PTPRM: variants seen among roughly 807,000 people sequenced by gnomAD.
PTPRM encodes the protein receptor-type tyrosine-protein phosphatase mu.
Under a neutral mutation model 186.7 loss-of-function variants are expected in PTPRM, and 47 were observed. The observed-to-expected ratio is 0.25, with a 90% CI of 0.20 to 0.32. The LOEUF is 0.32. PTPRM is among the 10% of genes least tolerant of loss of function. The pLI is 1.00. For missense variants in PTPRM, 1,494 were observed against 1,865.0 expected (o/e 0.80, Z 3.66); for synonymous variants, 668 against 674.9 (o/e 0.99, Z 0.16).
chr18:7,908,747 C>A (rs1050105955), intron 4 of PTPRM, among the ~76,000 whole-genome samples: 1 of 152,126 alleles, frequency 6.6e-6, no homozygotes, highest in Non-Finnish European at 1.5e-5. Context: ...CATGAAAAGA[C>A]TGGAAAACCA....
At chr18:8,204,129 C>T (rs1412731592) in intron 14 of PTPRM, among the ~76,000 whole-genome samples, 5 of 152,134 alleles carry the variant, frequency 3.3e-5, no homozygotes, top group Non-Finnish European at 1.5e-5. Context: ...CAGACTTTAG[C>T]TGTGTAGCTC....
At chr18:7,810,388 T>C (rs1187932759) in intron 2 of PTPRM, among the ~76,000 whole-genome samples, 4 of 152,248 alleles carry the variant, frequency 2.6e-5, no homozygotes, top group African/African-American at 9.6e-5. Context: ...TCATTATGAA[T>C]AGCCTGGGGA....
intron 13 of PTPRM, among the ~76,000 whole-genome samples, chr18:8,138,514 T>G (rs1190327251): frequency 2.0e-5 from 3 of 152,138 alleles, no homozygotes; most frequent in Admixed American, 6.5e-5. Context: ...GGCCTGAGAT[T>G]TCTCACACCT....
chr18:8,304,824 T>A (rs762996028), intron 20 of PTPRM, among the ~76,000 whole-genome samples: 2 of 107,118 alleles, frequency 1.9e-5, no homozygotes, highest in African/African-American at 1.1e-4. Context: ...TGACTTTATT[T>A]TTTTTTTTTT....
At chr18:8,370,466 G>T (rs1188043471) in intron 23 of PTPRM, among the ~76,000 whole-genome samples, 1 of 152,154 alleles carries the variant, frequency 6.6e-6, no homozygotes. Flanking sequence ...AATCTTTAGT[G>T]TTCAATCTGA....
At chr18:8,228,861 G>T (rs1322708972) in intron 14 of PTPRM, among the ~76,000 whole-genome samples, 1 of 151,756 alleles carries the variant, frequency 6.6e-6, no homozygotes, top group Non-Finnish European at 1.5e-5. Flanking sequence ...CAAAAGAAAA[G>T]AAAAAGAAAA....
At chr18:8,150,715 G>A (rs576814243) in intron 14 of PTPRM, among the ~76,000 whole-genome samples, 61 of 152,244 alleles carry the variant, frequency 4.0e-4, no homozygotes, top group Middle Eastern at 6.8e-3. Context: ...ATCCTTTGGA[G>A]GAGAAGAGAC....
At chr18:7,641,740 A>G (rs979663329) in intron 1 of PTPRM, among the ~76,000 whole-genome samples, 4 of 152,260 alleles carry the variant, frequency 2.6e-5, no homozygotes. Context: ...TTATGATCAG[A>G]GAAAAAAGCA....
intron 7 of PTPRM, among the ~76,000 whole-genome samples, chr18:8,012,947 C>T (rs934530575): frequency 1.3e-5 from 2 of 152,026 alleles, no homozygotes; most frequent in African/African-American, 4.8e-5. Context: ...CTCGTGCTGC[C>T]TCTTGCACTG....
intron 14 of PTPRM, among the ~76,000 whole-genome samples, chr18:8,170,341 T>G (rs970868040): frequency 2.0e-5 from 3 of 152,194 alleles, no homozygotes; most frequent in Non-Finnish European, 4.4e-5. Flanking sequence ...TTGATGGCTG[T>G]GCTGGCCGCA....
intron 7 of PTPRM, among the ~76,000 whole-genome samples, chr18:8,011,347 C>T (rs536256179): frequency 3.7e-4 from 57 of 152,296 alleles, no homozygotes; most frequent in African/African-American, 1.4e-3. Context: ...CAGGGACTCT[C>T]TCCTGGAGAG....
At chr18:7,808,258 T>C (rs558503924) in intron 2 of PTPRM, among the ~76,000 whole-genome samples, 184 of 152,246 alleles carry the variant, frequency 1.2e-3, no homozygotes, top group African/African-American at 4.0e-3. Context: ...ATTAGAGCCA[T>C]GTGATGAAGT....
chr18:7,655,290 T>G (rs1168817449), intron 1 of PTPRM, among the ~76,000 whole-genome samples: 1 of 152,158 alleles, frequency 6.6e-6, no homozygotes, highest in Non-Finnish European at 1.5e-5. Flanking sequence ...CTCCTGGGCT[T>G]AAGTGATGGT....
chr18:7,792,512 C>A (rs375201515), intron 2 of PTPRM, among the ~76,000 whole-genome samples: 2 of 152,124 alleles, frequency 1.3e-5, no homozygotes, highest in East Asian at 1.9e-4. Context: ...CGGGCTCATA[C>A]CCCTTGTTAT....
chr18:8,002,086 G>T (rs1257977702), intron 7 of PTPRM, among the ~76,000 whole-genome samples: 1 of 152,182 alleles, frequency 6.6e-6, no homozygotes, highest in Non-Finnish European at 1.5e-5. Context: ...TAGAAAAATT[G>T]CCGGTAATCC....
rs61474526 is a variant in PTPRM at position 8,166,244 on chromosome 18, A to G, written c.2300+22465A>G. Among the ~76,000 whole-genome samples the G allele has an allele frequency of 9.4e-3, 1,429 of 152,196 alleles. 19 individuals carry two copies. The highest frequency in any genetic ancestry group is 0.033 in the African/African-American group (1,358 of 41,526). On this transcript the variant is annotated intron_variant, in intron 14 of 32. Coordinates refer to ENST00000580170, the MANE Select transcript of PTPRM (RefSeq NM_001105244.2). ...TGGCGGACTCCAACCTATGCGCTTT[A>G]CGTCATTACTGAGGCAAGGAACAAG...
chr18:8,326,746 A>AGG, intron 22 of PTPRM, among the ~76,000 whole-genome samples: 1 of 152,326 alleles, frequency 6.6e-6, no homozygotes, highest in East Asian at 1.9e-4. Context: ...GGCTAGCCAT[A>AGG]TGCAGAAGAT....
intron 1 of PTPRM, among the ~76,000 whole-genome samples, chr18:7,763,411 A>G (rs562031241): frequency 6.6e-6 from 1 of 152,326 alleles, no homozygotes; most frequent in African/African-American, 2.4e-5. Flanking sequence ...TCTCTGTCAT[A>G]TGCCCCTTCC....
chr18:8,057,320 A>C (rs1190609743), intron 7 of PTPRM, among the ~76,000 whole-genome samples: 1 of 151,914 alleles, frequency 6.6e-6, no homozygotes, highest in Admixed American at 6.6e-5. Flanking sequence ...AATGTGTTTT[A>C]AAGGTTTTAT....
Sources: gnomAD v4.1 joint callset for allele counts (sites outside exome capture counted in the v4.1 genomes callset) on GRCh38, gnomAD v4.1.1 for gene constraint, MANE v1.5 for transcripts, NCBI Gene and HGNC (gene_info 2026-07-23, HGNC 2026-07-21) for gene names.